The following PUDP variants were observed in gnomAD, a reference collection of about 807,000 sequenced individuals.
PUDP encodes pseudouridine 5'-phosphatase.
PUDP carries 8 observed loss-of-function variants against 9.4 expected under a neutral mutation model. The ratio of observed to expected loss-of-function variants is 0.85; its 90% CI spans 0.50 to 1.53. PUDP has a LOEUF of 1.53. Ranked by LOEUF, PUDP falls within the 40% of genes most tolerant of loss-of-function variation. The pLI, the probability that PUDP is intolerant of heterozygous loss-of-function variation, is 0.00. For synonymous variants in PUDP, 99 were observed against 80.7 expected, an observed-to-expected ratio of 1.23 and a Z score of -1.22; for missense variants, 188 against 189.7, an observed-to-expected ratio of 0.99 and a Z score of 0.05.
chrX:6,815,721 T>G (rs2146703451), intron 3 of PUDP, among the ~76,000 whole-genome samples: 1 of 110,229 alleles, frequency 9.1e-6, no homozygotes, highest in Admixed American at 9.9e-5. Flanking sequence ...GGCCATTTGG[T>G]CTCTGCTTGA....
At chrX:6,708,269 G>A (rs868385264) in intron 1 of PUDP, among the ~76,000 whole-genome samples, 12 of 111,412 alleles carry the variant, frequency 1.1e-4, no homozygotes, top group Admixed American at 4.8e-4. Context: ...GGGAAGCAAG[G>A]ATGCCCCAAG....
chrX:7,047,039 C>A (rs946236818), downstream of PUDP, among the ~76,000 whole-genome samples: 2 of 112,121 alleles, frequency 1.8e-5, no homozygotes, highest in Non-Finnish European at 3.8e-5. Context: ...TGAGAAGCCC[C>A]TGCCATACTG....
chrX:6,914,810 G>C (rs1385345859), intron 3 of PUDP, among the ~76,000 whole-genome samples: 3 of 112,567 alleles, frequency 2.7e-5, no homozygotes, highest in Non-Finnish European at 5.6e-5. Flanking sequence ...AAATGAAATA[G>C]AGCCCAATTC....
chrX:7,043,307 TG>T (rs1290926060), intron 1 of PUDP, among the ~76,000 whole-genome samples: 1 of 110,489 alleles, frequency 9.1e-6, no homozygotes, highest in Non-Finnish European at 1.9e-5. Context: ...TGGTAATGAG[TG>T]GGTTCTCTAT....
intron 3 of PUDP, among the ~76,000 whole-genome samples, chrX:6,732,707 G>A (rs1357737973): frequency 9.1e-6 from 1 of 110,126 alleles, no homozygotes; most frequent in Non-Finnish European, 1.9e-5. Flanking sequence ...AGAAATCAGT[G>A]AGGGAGTAAC....
chrX:7,103,042 T>A (rs754079171), intron 2 of PUDP, among the ~76,000 whole-genome samples: 2 of 111,829 alleles, frequency 1.8e-5, no homozygotes, highest in African/African-American at 6.5e-5. Flanking sequence ...AAAATCCCAA[T>A]GGCATTTTGA....
chrX:6,949,772 C>T (rs761990057), intron 3 of PUDP, among the ~76,000 whole-genome samples: 9 of 111,896 alleles, frequency 8.0e-5, no homozygotes, highest in East Asian at 2.8e-4. Context: ...GTCAGGAATC[C>T]GGGCACAGCT....
chrX:7,101,873 T>C (rs1931745774), intron 2 of PUDP, among the ~76,000 whole-genome samples: 4 of 112,144 alleles, frequency 3.6e-5, no homozygotes, highest in Admixed American at 1.9e-4. Context: ...GAATACTATT[T>C]GTTGGCATAT....
chrX:7,065,157 C>CA, intron 3 of PUDP, among the ~76,000 whole-genome samples: 1 of 111,231 alleles, frequency 9.0e-6, no homozygotes, highest in East Asian at 2.8e-4. Flanking sequence ...GCCCCCAAAC[C>CA]AAAAAAAGAA....
intron 1 of PUDP, among the ~76,000 whole-genome samples, chrX:7,003,508 T>A: frequency 8.9e-6 from 1 of 112,158 alleles, no homozygotes; most frequent in East Asian, 2.8e-4. Flanking sequence ...TAGAAGACAA[T>A]ATATGTGCCT....
intron 3 of PUDP, among the ~76,000 whole-genome samples, chrX:6,876,814 CATAT>C (rs780682551): frequency 1.8e-5 from 2 of 110,478 alleles, no homozygotes; most frequent in African/African-American, 6.7e-5. Flanking sequence ...TGTGTATACA[CATAT>C]ATGTGTGTAC....
chrX:7,078,023 A>C (rs1186028610), intron 2 of PUDP, among the ~76,000 whole-genome samples: 3 of 112,284 alleles, frequency 2.7e-5, no homozygotes, highest in Admixed American at 9.4e-5. Context: ...CTGCAGCGCT[A>C]CTTAACAAGG....
chrX:6,708,858 A>G lies in PUDP; in HGVS notation n.129-2392T>C, dbSNP rs1924500188. On this transcript the variant is annotated intron_variant and non_coding_transcript_variant, in intron 1 of 2. Coordinates refer to the PUDP transcript ENST00000438499. Reference sequence around the variant, plus strand: ...ACCAGCCTAATGCTGTCTTCCTGCCACACCCTCTAAACTGTGCTGCAATTA... The same window carrying G: ...ACCAGCCTAATGCTGTCTTCCTGCCGCACCCTCTAAACTGTGCTGCAATTA... 2.7e-5 allele frequency among the ~76,000 whole-genome samples: 3 copies of G among 111,642 alleles called. No individual in the cohort carries two copies. In the South Asian group the frequency reaches 1.2e-3, roughly 43 times the overall value.
chrX:6,874,234 C>A (rs774038344), intron 3 of PUDP, among the ~76,000 whole-genome samples: 73 of 111,484 alleles, frequency 6.5e-4, no homozygotes, highest in South Asian at 1.5e-3. Flanking sequence ...GGGGGGGTCT[C>A]ATTCTATTAC....
At chrX:7,021,017 G>T (rs1929624709) in intron 1 of PUDP, among the ~76,000 whole-genome samples, 1 of 112,559 alleles carries the variant, frequency 8.9e-6, no homozygotes, top group East Asian at 2.8e-4. Context: ...ATGTCTGCTG[G>T]AATCGCCAGG....
chrX:7,063,391 A>T (rs1486993363), intron 3 of PUDP, among the ~76,000 whole-genome samples: 1 of 111,671 alleles, frequency 9.0e-6, no homozygotes, highest in Non-Finnish European at 1.9e-5. Context: ...GGTCTTTGTA[A>T]TTGCAAAGGA....
intron 3 of PUDP, among the ~76,000 whole-genome samples, chrX:6,975,462 C>G (rs1292351879): frequency 5.4e-5 from 6 of 111,187 alleles, no homozygotes; most frequent in African/African-American, 2.0e-4. Context: ...TTCTAACAGT[C>G]AGGCCCCTCT....
intron 1 of PUDP, among the ~76,000 whole-genome samples, chrX:6,982,803 G>A (rs761992337): frequency 8.9e-6 from 1 of 112,533 alleles, no homozygotes; most frequent in South Asian, 3.7e-4. Context: ...CCCATGCCCA[G>A]GAATGAGCAA....
intron 3 of PUDP, among the ~76,000 whole-genome samples, chrX:6,788,251 T>C (rs1236892137): frequency 1.8e-5 from 2 of 112,373 alleles, no homozygotes; most frequent in Non-Finnish European, 3.8e-5. Flanking sequence ...AAAATAAGCT[T>C]TGTGCTAGAT....
Sources: allele counts gnomAD v4.1 joint callset (sites outside exome capture counted in the v4.1 genomes callset), GRCh38; gene constraint gnomAD v4.1.1; transcripts MANE v1.5; gene names NCBI Gene and HGNC (gene_info 2026-07-23, HGNC 2026-07-21).